Variants in DPP10 observed in about 807,000 individuals in gnomAD.
DPP10 encodes dipeptidyl peptidase like 10.
DPP10 carries 33 observed loss-of-function variants against 120.9 expected under a neutral mutation model. That is an observed-to-expected ratio of 0.27 (90% confidence interval 0.21 to 0.37). DPP10 has a LOEUF of 0.37. Among genes scored for constraint, DPP10 ranks in the 10% least tolerant of loss-of-function variants. DPP10 has a pLI of 1.00. For synonymous variants in DPP10, 337 were observed against 326.1 expected (o/e 1.03, Z -0.36); for missense variants, 816 against 942.8 (o/e 0.87, Z 1.76).
intron 5 of DPP10, among the ~76,000 whole-genome samples, chr2:115,578,391 C>G (rs939914569): frequency 1.3e-5 from 2 of 152,092 alleles, no homozygotes; most frequent in Non-Finnish European, 1.5e-5. Context: ...CACAACCCCC[C>G]ACCCCTCCAA....
At chr2:115,626,465 A>AT (rs2085369462) in intron 5 of DPP10, among the ~76,000 whole-genome samples, 1 of 152,110 alleles carries the variant, frequency 6.6e-6, no homozygotes, top group Admixed American at 6.5e-5. Context: ...ATATTTCAAT[A>AT]TTACCATTTC....
At chr2:115,488,623 C>T (rs1262561863) in intron 3 of DPP10, among the ~76,000 whole-genome samples, 1 of 68,396 alleles carries the variant, frequency 1.5e-5, no homozygotes, top group African/African-American at 5.5e-5. Context: ...AGTAAACTAT[C>T]GCAAGAACAA....
At chr2:115,689,624 A>G in intron 5 of DPP10, 63 bp from the exon 6 acceptor site, 1 of 1,062,798 alleles carries the variant, frequency 9.4e-7, no homozygotes, top group South Asian at 1.7e-5. Context: ...TACTAAGAAT[A>G]TATATACATA....
chr2:114,996,765 C>T (rs59753535), intron 1 of DPP10, among the ~76,000 whole-genome samples: 42,561 of 151,784 alleles, frequency 0.28, 6,357 homozygotes, highest in South Asian at 0.45. Context: ...GGGCAGATCA[C>T]GAAGTCAGGA....
chr2:115,294,403 AC>A, intron 1 of DPP10, among the ~76,000 whole-genome samples: 1 of 152,204 alleles, frequency 6.6e-6, no homozygotes, highest in East Asian at 1.9e-4. Flanking sequence ...GCTCACGTAC[AC>A]AAGTAGGTAA....
chr2:114,859,532 A>C (rs1689645101), intron 1 of DPP10, among the ~76,000 whole-genome samples: 1 of 152,248 alleles, frequency 6.6e-6, no homozygotes, highest in South Asian at 2.1e-4. Flanking sequence ...TCAACAGATT[A>C]TTCACGGGAA....
chr2:114,990,067 G>T (rs946496527), intron 1 of DPP10, among the ~76,000 whole-genome samples: 4 of 151,978 alleles, frequency 2.6e-5, no homozygotes, highest in African/African-American at 9.7e-5. Context: ...CTCTTTCTTT[G>T]AATTAGTTGC....
At chr2:114,940,403 A>G (rs921159877) in intron 1 of DPP10, among the ~76,000 whole-genome samples, 1 of 152,150 alleles carries the variant, frequency 6.6e-6, no homozygotes, top group Non-Finnish European at 1.5e-5. Flanking sequence ...TATCTGCTCT[A>G]GGGATCAGAG....
At chr2:114,829,429 G>C (rs1203445227) in intron 1 of DPP10, among the ~76,000 whole-genome samples, 2 of 149,662 alleles carry the variant, frequency 1.3e-5, no homozygotes, top group Non-Finnish European at 1.5e-5. Flanking sequence ...TGTCACCCAG[G>C]CTGGAGTGCA....
chr2:115,080,725 C>G (rs1472085966), intron 1 of DPP10, among the ~76,000 whole-genome samples: 1 of 152,150 alleles, frequency 6.6e-6, no homozygotes, highest in African/African-American at 2.4e-5. Context: ...ATATTTCCAT[C>G]TTTTTTGCTC....
intron 1 of DPP10, among the ~76,000 whole-genome samples, chr2:114,767,103 G>GAA (rs35500978): frequency 0.022 from 1,039 of 48,004 alleles, 15 homozygotes; most frequent in African/African-American, 0.062. Context: ...ATCAAAACTA[G>GAA]AAAAAAAAAA....
chr2:115,227,267 C>T (rs1014411685), intron 1 of DPP10, among the ~76,000 whole-genome samples: 2 of 152,100 alleles, frequency 1.3e-5, no homozygotes, highest in African/African-American at 2.4e-5. Context: ...TAGGGACTTA[C>T]AGACTCTACT....
chr2:114,502,056 C>T (rs1683238457), intron 1 of DPP10, among the ~76,000 whole-genome samples: 1 of 150,892 alleles, frequency 6.6e-6, no homozygotes, highest in South Asian at 2.1e-4. Context: ...CTGCTTTAGC[C>T]TCCCGAGTAG....
chr2:115,796,630 A>G (rs933788078), intron 19 of DPP10, among the ~76,000 whole-genome samples: 1 of 152,064 alleles, frequency 6.6e-6, no homozygotes, highest in South Asian at 2.1e-4. Flanking sequence ...GTCTTTCTGG[A>G]TAGGGCTGAA....
At chr2:115,169,750 G>C (rs986009014) in intron 1 of DPP10, among the ~76,000 whole-genome samples, 1 of 152,066 alleles carries the variant, frequency 6.6e-6, no homozygotes, top group Non-Finnish European at 1.5e-5. Flanking sequence ...CTTTACATTT[G>C]GGAATGTTCT....
chr2:115,791,641 G>A lies in DPP10; in HGVS notation c.1700+285G>A, dbSNP rs1464067222. Among the ~76,000 whole-genome samples the A allele has an allele frequency of 2.0e-5, 3 of 152,252 alleles. No homozygotes were observed. The East Asian group carries it at 5.8e-4, about 29-fold the overall frequency. ...GGGTGTCTGCTTAGCAATTACTCAA[G>A]CCCTGCGCTCTTTATCAGTTGTTTA... is the stretch of plus-strand genomic sequence containing the variant. On this transcript the variant is annotated intron_variant, in intron 19 of 25. Coordinates refer to ENST00000410059, the MANE Select transcript of DPP10 (RefSeq NM_020868.6).
chr2:115,777,853 T>C lies in DPP10; in HGVS notation c.1361+19T>C. ...TGTACAGGTAAGCAGTGTGCAAGGA[T>C]CTCCTTACACAGATTGGCTTCTCAA... On this transcript the variant is annotated intron_variant, in intron 15 of 25. Coordinates refer to ENST00000410059, the MANE Select transcript of DPP10 (RefSeq NM_020868.6). 2 of 1,611,234 alleles carry C rather than the reference T, an allele frequency of 1.2e-6. No individual in the cohort carries two copies. The highest frequency in any genetic ancestry group is 8.5e-7 in the Non-Finnish European group (1 of 1,177,918).
chr2:114,961,033 C>CTTTTTTTTTT (rs772146022), intron 1 of DPP10, among the ~76,000 whole-genome samples: 1 of 52,002 alleles, frequency 1.9e-5, no homozygotes, highest in African/African-American at 7.5e-5. Context: ...CTCTATACGC[C>CTTTTTTTTTT]TTTTTTTTTT....
intron 1 of DPP10, among the ~76,000 whole-genome samples, chr2:114,886,095 T>G (rs1692046485): frequency 6.6e-6 from 1 of 152,252 alleles, no homozygotes; most frequent in African/African-American, 2.4e-5. Flanking sequence ...ATGATCTTAC[T>G]TTTGGACAAA....
Sources: allele counts gnomAD v4.1 joint callset (sites outside exome capture counted in the v4.1 genomes callset), GRCh38; gene constraint gnomAD v4.1.1; transcripts MANE v1.5; gene names NCBI Gene and HGNC (gene_info 2026-07-23, HGNC 2026-07-21).